Variants in FNIP2 observed in about 807,000 individuals in gnomAD.
FNIP2 encodes the protein folliculin-interacting protein 2.
FNIP2 carries 32 observed loss-of-function variants against 108.7 expected under a neutral mutation model. The ratio of observed to expected loss-of-function variants is 0.29; its 90% CI spans 0.22 to 0.40. FNIP2 has a LOEUF of 0.40. Ranked by LOEUF, FNIP2 falls within the 10% of genes least tolerant of loss-of-function variation. FNIP2 has a pLI of 1.00. For synonymous variants in FNIP2, 480 were observed against 496.7 expected (o/e 0.97, Z 0.45); for missense variants, 1,202 against 1,381.6 (o/e 0.87, Z 2.06).
chr4:158,817,371 C>T (rs1417397439), intron 1 of FNIP2, among the ~76,000 whole-genome samples: 1 of 152,126 alleles, frequency 6.6e-6, no homozygotes, highest in African/African-American at 2.4e-5. Context: ...TAAGGGATAC[C>T]ATGTAGTAAT....
At position 158,866,221 on chromosome 4, in the gene FNIP2, C is replaced by T. The variant is rs6536373; in HGVS notation, c.1466-1881C>T. ...GATTTGTTCCAATATTCTGGTTATT[C>T]TTTTTTTTTTTTTTTGAGACAGAGT... On this transcript the variant is annotated intron_variant, in intron 12 of 16. Transcript: ENST00000264433. 5.2e-3 allele frequency among the ~76,000 whole-genome samples: 311 copies of T among 59,738 alleles called. 14 individuals carry two copies. Among genetic ancestry groups the T allele is most frequent in the African/African-American group, 0.012 (179 of 14,968 alleles). 39.2% of individuals were successfully genotyped at this position (59,738 alleles called of 152,430 possible). A position where few individuals can be genotyped will look rare whatever the true frequency, so the allele number is the denominator to read the frequency against.
At chr4:158,847,506 C>T (rs916334534) in intron 7 of FNIP2, among the ~76,000 whole-genome samples, 10 of 152,152 alleles carry the variant, frequency 6.6e-5, no homozygotes, top group African/African-American at 1.9e-4. Context: ...CAAAGGAACC[C>T]GCTGCCTTGA....
At chr4:158,815,217 G>A (rs1777493649) in intron 1 of FNIP2, among the ~76,000 whole-genome samples, 1 of 152,186 alleles carries the variant, frequency 6.6e-6, no homozygotes, top group South Asian at 2.1e-4. Context: ...GCTAGGAAGA[G>A]GCAGAGGTAG....
chr4:158,890,037 T>C (rs901469726), intron 14 of FNIP2: 2 of 985,318 alleles, frequency 2.0e-6, no homozygotes, highest in Non-Finnish European at 2.4e-6. Flanking sequence ...GGGGTCATTA[T>C]GTGTGTAAGA....
At chr4:158,774,747 A>G (rs1247940673) in intron 1 of FNIP2, among the ~76,000 whole-genome samples, 1 of 152,212 alleles carries the variant, frequency 6.6e-6, no homozygotes, top group African/African-American at 2.4e-5. Flanking sequence ...GAGTACAGTT[A>G]GGAGCTGCAT....
At chr4:158,784,982 G>A (rs764490061) in intron 1 of FNIP2, among the ~76,000 whole-genome samples, 2 of 151,974 alleles carry the variant, frequency 1.3e-5, no homozygotes, top group African/African-American at 2.4e-5. Context: ...AGTACAGTAC[G>A]TTAGTAGGAG....
chr4:158,808,411 C>T (rs1435202243), intron 1 of FNIP2, among the ~76,000 whole-genome samples: 1 of 152,152 alleles, frequency 6.6e-6, no homozygotes, highest in African/African-American at 2.4e-5. Flanking sequence ...TTTAGATTTA[C>T]TTCTCTAGTG....
intron 6 of FNIP2, 109 bp from the exon 7 acceptor site, chr4:158,835,296 A>G (rs1463402416): frequency 2.4e-5 from 19 of 781,474 alleles, no homozygotes; most frequent in Admixed American, 4.1e-5. Context: ...GCTTATGCCA[A>G]TCATCAGTAG....
intron 7 of FNIP2, among the ~76,000 whole-genome samples, chr4:158,851,117 C>T (rs1034445421): frequency 1.3e-5 from 2 of 151,966 alleles, no homozygotes; most frequent in African/African-American, 4.8e-5. Flanking sequence ...ATGAAATTTA[C>T]CATCTCAACC....
At chr4:158,881,974 C>G in intron 14 of FNIP2, among the ~76,000 whole-genome samples, 1 of 151,642 alleles carries the variant, frequency 6.6e-6, no homozygotes, top group East Asian at 2.0e-4. Flanking sequence ...AGGAGCGCCT[C>G]TTCCCGGCCG....
chr4:158,813,659 A>T (rs1578853022), intron 1 of FNIP2, among the ~76,000 whole-genome samples: 1 of 152,254 alleles, frequency 6.6e-6, no homozygotes, highest in Middle Eastern at 3.4e-3. Context: ...TGTCTTTCTT[A>T]GAGCAGAAGT....
At chr4:158,858,910 C>A in intron 8 of FNIP2, 147 bp from the exon 9 acceptor site, 1 of 658,256 alleles carries the variant, frequency 1.5e-6, no homozygotes, top group Non-Finnish European at 2.6e-6. Flanking sequence ...ATCTTCATGC[C>A]AGGGAATTAT....
chr4:158,904,584 C>G lies in FNIP2; in HGVS notation c.*40C>G. 6.5e-7 allele frequency: 1 copy of G among 1,539,456 alleles called. No homozygotes were observed. Among genetic ancestry groups the G allele is most frequent in the South Asian group, 1.1e-5 (1 of 89,212 alleles). On this transcript the variant is annotated 3_prime_UTR_variant, in exon 17 of 17. Coordinates refer to ENST00000264433, the MANE Select transcript of FNIP2 (RefSeq NM_020840.3). ...CAGTTCTTCCTTGGAAGAAAAAAAT[C>G]AAATTCTCAACTGAAGGAGAAAGGA...
chr4:158,870,250 T>C (rs1339659951), intron 13 of FNIP2, 63 bp from the exon 14 acceptor site: 6 of 1,563,116 alleles, frequency 3.8e-6, no homozygotes, highest in Non-Finnish European at 5.2e-6. Flanking sequence ...CTTGTACCAA[T>C]TATAATGAAA....
intron 1 of FNIP2, among the ~76,000 whole-genome samples, chr4:158,800,202 G>A (rs1004951976): frequency 6.6e-6 from 1 of 152,128 alleles, no homozygotes; most frequent in Admixed American, 6.5e-5. Flanking sequence ...CCTTTCGGTA[G>A]CACTTTTTCA....
rs781199653 is a variant in FNIP2 at position 158,868,610 on chromosome 4, G to T, written c.1974G>T (p.Pro658=). The change falls in exon 13 of 17, where the codon CCG becomes CCT. Residue 658 remains proline, a synonymous_variant. Coordinates refer to ENST00000264433, the MANE Select transcript of FNIP2 (RefSeq NM_020840.3). The surrounding 1 kb of genome is among the most constrained non-coding windows in gnomAD (Gnocchi z 4.6). ...FCGDEKNKEA[P]QDGSSRLPSC... ...GGGATGAGAAAAATAAAGAGGCACCGCAAGATGGCTCTTCAAGACTTCCCA... is the reference window on the plus strand; with the variant it reads ...GGGATGAGAAAAATAAAGAGGCACCTCAAGATGGCTCTTCAAGACTTCCCA... 2 of 1,613,790 alleles carry T rather than the reference G, an allele frequency of 1.2e-6. No individual in the cohort carries two copies. The highest frequency in any genetic ancestry group is 1.7e-6 in the Non-Finnish European group (2 of 1,179,790).
chr4:158,823,112 A>T (rs1211648235), intron 1 of FNIP2, among the ~76,000 whole-genome samples: 1 of 152,216 alleles, frequency 6.6e-6, no homozygotes, highest in Non-Finnish European at 1.5e-5. Context: ...ATAAATTATA[A>T]TGCTGTCTTG....
chr4:158,789,996 G>T (rs926955528), intron 1 of FNIP2, among the ~76,000 whole-genome samples: 7 of 152,078 alleles, frequency 4.6e-5, no homozygotes, highest in African/African-American at 1.7e-4. Flanking sequence ...GACACGTCAA[G>T]CGGGAAATTC....
intron 1 of FNIP2, among the ~76,000 whole-genome samples, chr4:158,821,482 G>A (rs1033117374): frequency 3.9e-5 from 6 of 152,206 alleles, no homozygotes; most frequent in Middle Eastern, 6.3e-3. Context: ...AGTGCTCTTG[G>A]AAGCTCCACA....
Sources: gnomAD v4.1 joint callset for allele counts (sites outside exome capture counted in the v4.1 genomes callset) on GRCh38, gnomAD v4.1.1 for gene constraint, Gnocchi (gnomAD v3.1) non-coding constraint, MANE v1.5 for transcripts, NCBI Gene and HGNC (gene_info 2026-07-23, HGNC 2026-07-21) for gene names.